The following UBTF variants were observed in gnomAD, a reference collection of about 807,000 sequenced individuals.
The protein encoded by UBTF is nucleolar transcription factor 1.
In UBTF, 8 loss-of-function variants were observed where a neutral mutation model predicts 112.3. That is an observed-to-expected ratio of 0.07 (90% CI 0.04 to 0.13). The LOEUF is 0.13. Among genes scored for constraint, UBTF ranks in the 10% least tolerant of loss-of-function variants. UBTF has a pLI of 1.00. For missense variants in UBTF, 457 were observed against 982.1 expected (o/e 0.47, Z 7.15); for synonymous variants, 417 against 373.1 (o/e 1.12, Z -1.36).
intron 5 of UBTF, among the ~76,000 whole-genome samples, chr17:44,215,187 C>T (rs1235610985): frequency 6.6e-6 from 1 of 152,234 alleles, no homozygotes; most frequent in Non-Finnish European, 1.5e-5. Context: ...GCTCTAGCAT[C>T]AATAGTTGTG....
At chr17:44,212,706 T>C in intron 7 of UBTF, 113 bp downstream of exon 7, 1 of 1,538,782 alleles carries the variant, frequency 6.5e-7, no homozygotes. Flanking sequence ...AGCCCACCCC[T>C]GGGGAGGGGC....
At chr17:44,217,060 G>T (rs1375039529) in intron 2 of UBTF, among the ~76,000 whole-genome samples, 1 of 152,228 alleles carries the variant, frequency 6.6e-6, no homozygotes, top group Admixed American at 6.5e-5. Context: ...TGTGGGAAAC[G>T]AGGTAGCTTG....
rs1196111601 is a variant in UBTF, at chr17:44,209,704, T to C, written c.1656A>G (p.Pro552=). 6.2e-7 allele frequency: 1 copy of C among 1,614,056 alleles called. No homozygotes were observed. The highest frequency in any genetic ancestry group is 1.3e-5 in the African/African-American group (1 of 74,934). ...ERELSEMRAP[P]AATNSSKKMK... is the part of the protein sequence containing the mutation. ...TCTTCTTGGAAGAATTTGTAGCAGC[T>C]GGAGGTGCCCGCATCTCACTCAGCT... The change falls in exon 16 of 21, where the codon CCA becomes CCG. Residue 552 remains proline (P), a synonymous_variant. Coordinates refer to ENST00000436088, the MANE Select transcript of UBTF (RefSeq NM_014233.4).
At position 44,210,393 on chromosome 17, in the gene UBTF, C is replaced by T. The variant is rs769855744; in HGVS notation, c.1440G>A (p.Lys480=). Residue 480 remains lysine (K), a synonymous_variant, in exon 14 of 21, where the codon AAG becomes AAA. Transcript: ENST00000436088. The stretch of plus-strand genomic sequence containing the variant: ...CAGCTCTTTTGGGGGACTCGGGCAG[C>T]TTGCCCCGTTCCTCGCGCTCCCCGC... ...KPGGEREERG[K]LPESPKRAEE... 2 of 1,614,182 alleles carry T rather than the reference C, an allele frequency of 1.2e-6. No individual in the cohort carries two copies. Among genetic ancestry groups the T allele is most frequent in the East Asian group, 4.5e-5 (2 of 44,882 alleles).
At chr17:44,213,849 G>A (rs2046705781) in intron 5 of UBTF, among the ~76,000 whole-genome samples, 1 of 152,136 alleles carries the variant, frequency 6.6e-6, no homozygotes, top group South Asian at 2.1e-4. Flanking sequence ...GCATCTTCCT[G>A]CCCAGTTCTC....
chr17:44,211,664 T>C lies in UBTF; in HGVS notation c.989A>G (p.Gln330Arg). 1.2e-6 allele frequency: 2 copies of C among 1,611,418 alleles called. No homozygotes were observed. Among genetic ancestry groups the C allele is most frequent in the Non-Finnish European group, 1.7e-6 (2 of 1,180,002 alleles). ...CTTCTGGGACAGCAGCTTCCACTGCTGGCTGCACAGCACCATGCGCTCTGT... is the reference window on the plus strand; with the variant it reads ...CTTCTGGGACAGCAGCTTCCACTGCCGGCTGCACAGCACCATGCGCTCTGT... ...PSTERMVLCS[Q>R]QWKLLSQKEK... The change falls in exon 10 of 21, where the codon CAG (glutamine) becomes CGG (arginine). Residue 330 changes from glutamine (Q) to arginine (R), a missense_variant. By Grantham distance (43) the Gln-to-Arg change is conservative (BLOSUM62 1). Around this residue, in one of 7 missense-constraint regions of UBTF, gnomAD observed 87 missense variants for 286.6 expected, o/e 0.30. Coordinates refer to ENST00000436088, the MANE Select transcript of UBTF (RefSeq NM_014233.4). This position sits in a 1 kb window ranked among gnomAD's most constrained non-coding sequence, Gnocchi z 4.9.
chr17:44,219,634 C>T lies in UBTF; in HGVS notation c.-257G>A, dbSNP rs1374113027. 1.1e-4 allele frequency: 12 copies of T among 104,592 alleles called. No individual in the cohort carries two copies. In the South Asian group the frequency reaches 2.4e-3, roughly 21 times the overall value. 6.5% of individuals were successfully genotyped at this position (104,592 alleles called of 1,614,324 possible). ...GCTGTGGCGGCGGCGGCGGCGGCGG[C>T]GGCTGTGGCTGCTGCCTGCTGCTCC... On this transcript the variant is annotated 5_prime_UTR_variant, in exon 1 of 21. Transcript: ENST00000436088.
rs1275514388 is a variant in UBTF, at chr17:44,215,371, G to A, written c.474+283C>T. 1.6e-5 allele frequency: 7 copies of A among 443,718 alleles called. No homozygotes were observed. The East Asian group carries it at 2.5e-4, about 16-fold the overall frequency. The allele number at this position is 443,718 out of a possible 1,614,324, so 27.5% of individuals were successfully genotyped here. A position where few individuals can be genotyped will look rare whatever the true frequency, so the allele number is the denominator to read the frequency against. On this transcript the variant is annotated intron_variant, in intron 5 of 20. Transcript: ENST00000436088. Reference sequence around the variant, plus strand: ...AGCCTAACAGTGAGGATGGGTGTATGGGGGAGAGAGAGCTTGAAACAGAAT... The same window carrying A: ...AGCCTAACAGTGAGGATGGGTGTATAGGGGAGAGAGAGCTTGAAACAGAAT...
At position 44,207,561 on chromosome 17, in the gene UBTF, C is replaced by T; in HGVS notation, c.2062G>A (p.Glu688Lys). 3.1e-6 allele frequency: 5 copies of T among 1,614,184 alleles called. No homozygotes were observed. Among genetic ancestry groups the T allele is most frequent in the East Asian group, 2.2e-5 (1 of 44,880 alleles). ...TCTTCCTCTTCTTCATCCTCGTCCT[C>T]GTCATCCTCATCCTCTTCATCATCC... Reference protein sequence around the residue: ...EEDDEEDEDDEDEDEEEEDDE... With the variant: ...EEDDEEDEDDKDEDEEEEDDE... Residue 688 changes from glutamate to lysine, a missense_variant, in exon 20 of 21, where the codon GAG becomes AAG. Coordinates refer to ENST00000436088, the MANE Select transcript of UBTF (RefSeq NM_014233.4).
At chr17:44,217,637 C>G (rs2046911879) in intron 2 of UBTF, among the ~76,000 whole-genome samples, 2 of 152,232 alleles carry the variant, frequency 1.3e-5, no homozygotes, top group East Asian at 3.8e-4. Flanking sequence ...CAATGTCCCA[C>G]AAGCATGGCC....
chr17:44,217,064 T>C (rs1460780034), intron 2 of UBTF, among the ~76,000 whole-genome samples: 1 of 152,128 alleles, frequency 6.6e-6, no homozygotes, highest in Non-Finnish European at 1.5e-5. Flanking sequence ...GGAAACGAGG[T>C]AGCTTGTCAG....
chr17:44,217,093 A>G (rs1244854390), intron 2 of UBTF, among the ~76,000 whole-genome samples: 1 of 152,184 alleles, frequency 6.6e-6, no homozygotes, highest in African/African-American at 2.4e-5. Context: ...GGAAGCAGGG[A>G]AGCAATATAT....
At chr17:44,209,839 G>A in intron 15 of UBTF, 106 bp from the exon 16 acceptor site, 1 of 1,234,644 alleles carries the variant, frequency 8.1e-7, no homozygotes, top group Non-Finnish European at 1.1e-6. Context: ...TTCTGTGCCA[G>A]GGAGGAGGAG....
At chr17:44,208,879 C>A in intron 17 of UBTF, 2 of 331,768 alleles carry the variant, frequency 6.0e-6, no homozygotes, top group Non-Finnish European at 1.2e-5. Context: ...GCCTTGGTTT[C>A]CTTATTTTTA....
upstream of UBTF, among the ~76,000 whole-genome samples, chr17:44,220,538 TAAAA>T (rs78711085): frequency 1.4e-5 from 2 of 146,198 alleles, no homozygotes; most frequent in African/African-American, 5.0e-5. Context: ...ACCTCTGCAT[TAAAA>T]AAAAAAAATC....
chr17:44,210,199 C>T lies in UBTF; in HGVS notation c.1551G>A (p.Met517Ile). The change falls in exon 15 of 21, where the codon ATG becomes ATA. Residue 517 changes from methionine to isoleucine, a missense_variant. Met to Ile is a conservative substitution (Grantham distance 10). Coordinates refer to ENST00000436088, the MANE Select transcript of UBTF (RefSeq NM_014233.4). The part of the protein sequence containing the change: ...DRVKALKAME[M>I]TWNNMEKKEK... ...CCTTCTTTTCCATGTTATTCCAGGT[C>T]ATTTCCATGGCTTTCAAGGCCTTCA... The T allele has an allele frequency of 6.2e-7, 1 of 1,614,226 alleles. No homozygotes were observed. Among genetic ancestry groups the T allele is most frequent in the Admixed American group, 1.7e-5 (1 of 60,024 alleles).
rs1416216320 is a variant in UBTF at position 44,215,981 on chromosome 17, C to T, written c.243G>A (p.Lys81=). The T allele has an allele frequency of 6.2e-7, 1 of 1,614,078 alleles. No individual in the cohort carries two copies. Among genetic ancestry groups the T allele is most frequent in the Non-Finnish European group, 8.5e-7 (1 of 1,179,976 alleles). Residue 81 remains lysine (K), a synonymous_variant, in exon 4 of 21, where the codon AAG becomes AAA. Transcript: ENST00000436088. ...GGATCAATTCTGTCAATGTACGGAA[C>T]TTCCTCACCTGGAGGAAGAGGGGTG... The part of the protein sequence containing the change: ...KWVEISNEVR[K]FRTLTELILD...
In UBTF at chr17:44,211,212, A is replaced by G. The variant is rs2144536376; in HGVS notation, c.1090-60T>C. On this transcript the variant is annotated intron_variant, in intron 11 of 20. Transcript: ENST00000436088. This position sits in a 1 kb window ranked among gnomAD's most constrained non-coding sequence, Gnocchi z 4.9. Reference sequence around the variant, plus strand: ...TGGCACCCAGACTGCATGGTGCCCTATCTCCAGGGGCTCACCAGGGCTCTG... The same window carrying G: ...TGGCACCCAGACTGCATGGTGCCCTGTCTCCAGGGGCTCACCAGGGCTCTG... 6.2e-7 allele frequency: 1 copy of G among 1,613,330 alleles called. No individual in the cohort carries two copies.
intron 17 of UBTF, chr17:44,208,869 G>A (rs780944448): frequency 6.8e-5 from 22 of 325,656 alleles, no homozygotes; most frequent in Non-Finnish European, 1.2e-4. Context: ...ACCTCTCTGA[G>A]CCTTGGTTTC....
Sources: allele counts gnomAD v4.1 joint callset (sites outside exome capture counted in the v4.1 genomes callset), GRCh38; gene constraint gnomAD v4.1.1; regional missense constraint gnomAD v4.1.1; non-coding constraint Gnocchi (gnomAD v3.1); transcripts MANE v1.5; gene names NCBI Gene and HGNC (gene_info 2026-07-23, HGNC 2026-07-21).